The following GIGYF2 variants were observed in gnomAD, a reference collection of about 807,000 sequenced individuals.
GIGYF2 encodes the protein GRB10 interacting GYF protein 2.
In GIGYF2, 25 loss-of-function variants were observed where a neutral mutation model predicts 208.1. The observed-to-expected ratio is 0.12, with a 90% CI of 0.09 to 0.17. GIGYF2 has a LOEUF of 0.17. Ranked by LOEUF, GIGYF2 falls within the 10% of genes least tolerant of loss-of-function variation. The pLI is 1.00. For synonymous variants in GIGYF2, 534 were observed against 543.8 expected (o/e 0.98, Z 0.25); for missense variants, 1,302 against 1,579.4 (o/e 0.82, Z 2.98).
In GIGYF2 at chr2:232,857,363, A is replaced by G. The variant is rs963648415; in HGVS notation, c.*503A>G. ...CCATGGACTGTGACTCGAGTATCCA[A>G]CAGGCAGTCAGAGCTCTCCCGGTCT... On this transcript the variant is annotated 3_prime_UTR_variant, in exon 29 of 29. Transcript: ENST00000373563. 6 of 186,708 alleles carry G rather than the reference A, an allele frequency of 3.2e-5. No homozygotes were observed. Among genetic ancestry groups the G allele is most frequent in the South Asian group, 1.1e-4 (1 of 9,164 alleles). The allele number at this position is 186,708 out of a possible 1,614,324, so 11.6% of individuals were successfully genotyped here.
intron 9 of GIGYF2, among the ~76,000 whole-genome samples, chr2:232,787,927 C>G (rs1699964621): frequency 6.6e-6 from 1 of 152,136 alleles, no homozygotes; most frequent in African/African-American, 2.4e-5. Flanking sequence ...TCAAACTGTT[C>G]TTCTTGGACA....
intron 8 of GIGYF2, among the ~76,000 whole-genome samples, chr2:232,773,487 A>T (rs1332656717): frequency 2.0e-5 from 3 of 152,038 alleles, no homozygotes. Context: ...TTTTTAATAC[A>T]GGAAGCGTTT....
intron 21 of GIGYF2, among the ~76,000 whole-genome samples, chr2:232,821,403 T>C (rs998688161): frequency 6.6e-6 from 1 of 152,186 alleles, no homozygotes. Context: ...TTTCACCATG[T>C]TGGCCAGGCT....
intron 2 of GIGYF2, among the ~76,000 whole-genome samples, chr2:232,713,234 T>A (rs1427461606): frequency 1.3e-5 from 2 of 152,016 alleles, no homozygotes; most frequent in African/African-American, 4.8e-5. Flanking sequence ...CGCCATCATG[T>A]GCAACTGATT....
intron 22 of GIGYF2, among the ~76,000 whole-genome samples, chr2:232,838,812 C>A (rs1422642435): frequency 6.6e-6 from 1 of 152,032 alleles, no homozygotes; most frequent in Non-Finnish European, 1.5e-5. Flanking sequence ...TCCCTCTGCA[C>A]CCCTCCCCCA....
In GIGYF2 at chr2:232,811,214, A is replaced by G. The variant is rs200637352; in HGVS notation, c.1899-30A>G. The G allele has an allele frequency of 4.2e-6, 5 of 1,194,544 alleles. No homozygotes were observed. The East Asian group carries it at 1.2e-4, about 28-fold the overall frequency. 74.0% of individuals were successfully genotyped at this position (1,194,544 alleles called of 1,614,324 possible). A position where few individuals can be genotyped will look rare whatever the true frequency, so the allele number is the denominator to read the frequency against. ...CCATGTGAACTAAGTGTGGATTGAC[A>G]GGTTATACTTTTTTTTTTACTTTTT... On this transcript the variant is annotated intron_variant, in intron 16 of 28. Coordinates refer to ENST00000373563, the MANE Select transcript of GIGYF2 (RefSeq NM_001103146.3).
At chr2:232,747,878 C>A in intron 4 of GIGYF2, 134 bp downstream of exon 4, 2 of 813,862 alleles carry the variant, frequency 2.5e-6, no homozygotes, top group Non-Finnish European at 4.0e-6. Flanking sequence ...TGTTTCCCTG[C>A]TTTGAAGCCT....
chr2:232,773,481 T>A (rs1467968046), intron 8 of GIGYF2, among the ~76,000 whole-genome samples: 1 of 152,124 alleles, frequency 6.6e-6, no homozygotes, highest in Non-Finnish European at 1.5e-5. Flanking sequence ...TTTTTTTTTT[T>A]AATACAGGAA....
At chr2:232,770,816 T>C (rs1699212870) in intron 8 of GIGYF2, 12 of 872,248 alleles carry the variant, frequency 1.4e-5, no homozygotes, top group Middle Eastern at 2.2e-4. Context: ...GCATTACTTA[T>C]AACTGACTAT....
intron 8 of GIGYF2, among the ~76,000 whole-genome samples, chr2:232,785,229 TA>T (rs1699873752): frequency 6.6e-6 from 1 of 152,110 alleles, no homozygotes; most frequent in African/African-American, 2.4e-5. Context: ...TCATAGATAA[TA>T]AAACCCTTGC....
At chr2:232,794,602 T>C (rs1196935430) in intron 12 of GIGYF2, 146 bp from the exon 13 acceptor site, 1 of 719,716 alleles carries the variant, frequency 1.4e-6, no homozygotes, top group Non-Finnish European at 2.5e-6. Flanking sequence ...ATATTACGTT[T>C]CTCCATAGAA....
At chr2:232,751,390 T>C (rs1275933238) in intron 5 of GIGYF2, among the ~76,000 whole-genome samples, 1 of 152,028 alleles carries the variant, frequency 6.6e-6, no homozygotes, top group Admixed American at 6.6e-5. Flanking sequence ...AATTTTTGTA[T>C]TTTTAGTAGA....
chr2:232,815,904 A>C lies in GIGYF2; in HGVS notation c.2208+167A>C, dbSNP rs77661694. On this transcript the variant is annotated intron_variant, in intron 19 of 28. Coordinates refer to ENST00000373563, the MANE Select transcript of GIGYF2 (RefSeq NM_001103146.3). The stretch of plus-strand genomic sequence containing the variant: ...TATCTTTACTGTGCTCTCTTCTCCC[A>C]AAAAAAAAAAACTCAAAACAGAATT... 5.0e-4 allele frequency: 119 copies of C among 237,998 alleles called. 1 individual carries two copies. The highest frequency in any genetic ancestry group is 1.7e-3 in the African/African-American group (67 of 39,684). 14.7% of individuals were successfully genotyped at this position (237,998 alleles called of 1,614,324 possible).
chr2:232,752,665 C>A (rs1017927099), intron 5 of GIGYF2, among the ~76,000 whole-genome samples: 1 of 151,772 alleles, frequency 6.6e-6, no homozygotes, highest in Non-Finnish European at 1.5e-5. Flanking sequence ...CTCAGCCTCC[C>A]GAGTAGCTGG....
intron 2 of GIGYF2, among the ~76,000 whole-genome samples, chr2:232,708,692 A>T (rs1364593435): frequency 7.7e-6 from 1 of 129,310 alleles, no homozygotes; most frequent in South Asian, 2.8e-4. Context: ...AAAAAAAAAA[A>T]GTAGCTGGGC....
chr2:232,737,907 CTTTT>C (rs11320395), intron 3 of GIGYF2, among the ~76,000 whole-genome samples: 1 of 85,208 alleles, frequency 1.2e-5, no homozygotes. Flanking sequence ...TAAGCTTTAA[CTTTT>C]TTTTTTTTTT....
intron 6 of GIGYF2, among the ~76,000 whole-genome samples, chr2:232,757,559 C>T (rs1388043806): frequency 1.3e-5 from 2 of 152,012 alleles, no homozygotes; most frequent in Non-Finnish European, 1.5e-5. Flanking sequence ...GTGGTGGTTT[C>T]GAGTTGGGAC....
At position 232,813,355 on chromosome 2, in the gene GIGYF2, G is replaced by T. The variant is rs536854968; in HGVS notation, c.2107+864G>T. On this transcript the variant is annotated intron_variant, in intron 18 of 28. Transcript: ENST00000373563. ...ATTACGCTATCACACCTGACTGGGTGTACGCTATCACACCTGACTAATTTT... is the reference window on the plus strand; with the variant it reads ...ATTACGCTATCACACCTGACTGGGTTTACGCTATCACACCTGACTAATTTT... 4.7e-5 allele frequency among the ~76,000 whole-genome samples: 5 copies of T among 106,916 alleles called. No individual in the cohort carries two copies. In the South Asian group the frequency reaches 1.3e-3, roughly 27 times the overall value. The allele number at this position is 106,916 out of a possible 152,430, so 70.1% of individuals were successfully genotyped here. A position where few individuals can be genotyped will look rare whatever the true frequency, so the allele number is the denominator to read the frequency against.
intron 20 of GIGYF2, 60 bp downstream of exon 20, chr2:232,817,092 T>G (rs1574918194): frequency 1.6e-6 from 2 of 1,249,252 alleles, no homozygotes; most frequent in East Asian, 4.6e-5. Context: ...TCAGGCTGCT[T>G]TCTTTCATCA....
Sources: allele counts gnomAD v4.1 joint callset (sites outside exome capture counted in the v4.1 genomes callset), GRCh38; gene constraint gnomAD v4.1.1; transcripts MANE v1.5; gene names NCBI Gene and HGNC (gene_info 2026-07-23, HGNC 2026-07-21).